Variants in FBXL4 observed in about 807,000 individuals in gnomAD.
FBXL4 encodes F-box/LRR-repeat protein 4.
In FBXL4, 40 loss-of-function variants were observed where a neutral mutation model predicts 58.9. That is an observed-to-expected ratio of 0.68 (90% CI 0.53 to 0.88). The LOEUF is 0.88. Among genes scored for constraint, FBXL4 ranks in the 40% least tolerant of loss-of-function variants. FBXL4 has a pLI of 0.00. For missense variants in FBXL4, 676 were observed against 734.4 expected (o/e 0.92, Z 0.92); for synonymous variants, 263 against 265.5 (o/e 0.99, Z 0.09).
intron 7 of FBXL4, among the ~76,000 whole-genome samples, chr6:98,888,004 T>C (rs1396442906): frequency 6.6e-6 from 1 of 152,236 alleles, no homozygotes; most frequent in African/African-American, 2.4e-5. Flanking sequence ...CCTCCTAAAA[T>C]ATCTTTAAAA....
intron 5 of FBXL4, among the ~76,000 whole-genome samples, chr6:98,905,964 A>G (rs1181935385): frequency 6.6e-6 from 1 of 152,198 alleles, no homozygotes; most frequent in East Asian, 1.9e-4. Flanking sequence ...CATACTCAGC[A>G]TTACTGAACA....
Position 98,926,859 on chromosome 6 carries a change from T to A in FBXL4, c.130A>T (p.Thr44Ser), listed in dbSNP as rs757059942. The A allele has an allele frequency of 1.2e-6, 2 of 1,614,162 alleles. No individual in the cohort carries two copies. The highest frequency in any genetic ancestry group is 1.7e-6 in the Non-Finnish European group (2 of 1,180,014). ...ACTACCTCTGCATTGAGAGGGGAAG[T>A]CTGGCTGTTTGATTCTATAGCTCTA... is the stretch of plus-strand genomic sequence containing the variant. ...THRAIESNSQTSPLNAEVVQY... is the reference protein window; with the variant it reads ...THRAIESNSQSSPLNAEVVQY... The change falls in exon 4 of 10, where the codon ACT becomes TCT. Residue 44 changes from threonine to serine, a missense_variant. Coordinates refer to ENST00000369244, the MANE Select transcript of FBXL4 (RefSeq NM_001278716.2).
chr6:98,899,251 T>A lies in FBXL4; in HGVS notation c.1317+17A>T. 1 of 1,609,756 alleles carries A rather than the reference T, an allele frequency of 6.2e-7. No individual in the cohort carries two copies. The highest frequency in any genetic ancestry group is 8.5e-7 in the Non-Finnish European group (1 of 1,176,934). ...GCTACCATAATAGCAATGATGAAAA[T>A]TATGAATTACTCTCACCTCTACTTT... On this transcript the variant is annotated intron_variant, in intron 7 of 9. Transcript: ENST00000369244.
At chr6:98,918,434 C>T (rs1036311671) in intron 4 of FBXL4, among the ~76,000 whole-genome samples, 5 of 152,040 alleles carry the variant, frequency 3.3e-5, no homozygotes, top group African/African-American at 1.2e-4. Context: ...TGTCTTTGCT[C>T]GTGTTATCTT....
intron 4 of FBXL4, among the ~76,000 whole-genome samples, chr6:98,921,181 T>C (rs1173951746): frequency 3.3e-5 from 5 of 152,188 alleles, no homozygotes; most frequent in East Asian, 1.9e-4. Flanking sequence ...ATGACTACTA[T>C]GTGTCCAGTG....
intron 8 of FBXL4, among the ~76,000 whole-genome samples, chr6:98,876,997 T>C (rs1347699789): frequency 6.6e-6 from 1 of 152,088 alleles, no homozygotes; most frequent in Non-Finnish European, 1.5e-5. Context: ...GATGGGCCTA[T>C]AGTGGGGAGG....
intron 5 of FBXL4, among the ~76,000 whole-genome samples, chr6:98,914,418 A>G (rs1284659513): frequency 1.3e-5 from 2 of 152,260 alleles, no homozygotes; most frequent in Non-Finnish European, 2.9e-5. Context: ...AAAAATCCTC[A>G]ATAAAATACT....
chr6:98,927,212 A>C (rs996448040), intron 3 of FBXL4, among the ~76,000 whole-genome samples, 152 bp from the exon 4 acceptor site: 4 of 152,212 alleles, frequency 2.6e-5, no homozygotes, highest in African/African-American at 9.6e-5. Flanking sequence ...GTCTGGTATA[A>C]ATAAATTTTC....
intron 7 of FBXL4, among the ~76,000 whole-genome samples, chr6:98,881,819 G>T (rs1770864403): frequency 6.6e-6 from 1 of 151,848 alleles, no homozygotes; most frequent in Non-Finnish European, 1.5e-5. Context: ...ATCCCATGTA[G>T]CTCTCAGAAT....
At chr6:98,920,438 T>C (rs899079550) in intron 4 of FBXL4, among the ~76,000 whole-genome samples, 8 of 152,150 alleles carry the variant, frequency 5.3e-5, no homozygotes. Context: ...ATTGTATCTG[T>C]TTTTAGAAAG....
intron 5 of FBXL4, among the ~76,000 whole-genome samples, chr6:98,912,436 G>C: frequency 6.6e-6 from 1 of 152,066 alleles, no homozygotes; most frequent in Non-Finnish European, 1.5e-5. Flanking sequence ...GAAAGGTCGG[G>C]TTACCCACCA....
At chr6:98,946,467 G>A (rs1773622568) in intron 1 of FBXL4, among the ~76,000 whole-genome samples, 1 of 152,140 alleles carries the variant, frequency 6.6e-6, no homozygotes, top group African/African-American at 2.4e-5. Context: ...AATGTTAACC[G>A]CAGCAACATT....
chr6:98,905,766 A>G, intron 5 of FBXL4, 96 bp from the exon 6 acceptor site: 1 of 1,168,612 alleles, frequency 8.6e-7, no homozygotes, highest in Non-Finnish European at 1.2e-6. Flanking sequence ...AAAGTGTCAT[A>G]CATTTTATAA....
At position 98,868,694 on chromosome 6, in the gene FBXL4, T is replaced by A. The variant is rs1770416830; in HGVS notation, c.*5584A>T. 6.6e-6 allele frequency: 1 copy of A among 152,238 alleles called. No homozygotes were observed. Among genetic ancestry groups the A allele is most frequent in the Non-Finnish European group, 1.5e-5 (1 of 68,038 alleles). The allele number at this position is 152,238 out of a possible 1,614,324, so 9.4% of individuals were successfully genotyped here. A position where few individuals can be genotyped will look rare whatever the true frequency, so the allele number is the denominator to read the frequency against. On this transcript the variant is annotated 3_prime_UTR_variant, in exon 10 of 10. Transcript: ENST00000369244. ...TAACAGAGACTTGTTTTATCTTTAG[T>A]GTATTCTACTCTATTTATCTGATAC...
At chr6:98,893,565 T>TG (rs1223866066) in intron 7 of FBXL4, among the ~76,000 whole-genome samples, 2 of 152,190 alleles carry the variant, frequency 1.3e-5, no homozygotes, top group Non-Finnish European at 2.9e-5. Flanking sequence ...TCTTAGGTAC[T>TG]GGGGGGTAGG....
intron 8 of FBXL4, among the ~76,000 whole-genome samples, chr6:98,879,942 C>CAAAAAAAA (rs57952065): frequency 6.4e-5 from 4 of 62,562 alleles, no homozygotes; most frequent in African/African-American, 6.6e-5. Flanking sequence ...GACTCCATCT[C>CAAAAAAAA]AAAAAAAAAA....
intron 7 of FBXL4, among the ~76,000 whole-genome samples, chr6:98,888,766 T>C (rs1157870854): frequency 2.0e-5 from 3 of 152,204 alleles, no homozygotes; most frequent in African/African-American, 7.2e-5. Context: ...AGGCATTCAC[T>C]AAGGAGTGAC....
intron 7 of FBXL4, among the ~76,000 whole-genome samples, chr6:98,889,941 A>C (rs1410072810): frequency 6.6e-6 from 1 of 152,174 alleles, no homozygotes; most frequent in Non-Finnish European, 1.5e-5. Context: ...TAAAGTGCTA[A>C]GCAAAACTAC....
At chr6:98,946,007 G>T (rs1459573237) in intron 1 of FBXL4, among the ~76,000 whole-genome samples, 1 of 152,098 alleles carries the variant, frequency 6.6e-6, no homozygotes, top group Non-Finnish European at 1.5e-5. Context: ...GGGGGAGGGA[G>T]GCAAGAGGTA....
Sources: allele counts gnomAD v4.1 joint callset (sites outside exome capture counted in the v4.1 genomes callset), GRCh38; gene constraint gnomAD v4.1.1; transcripts MANE v1.5; gene names NCBI Gene and HGNC (gene_info 2026-07-23, HGNC 2026-07-21).